Variants in TLN2 observed in about 807,000 individuals in gnomAD.
The protein encoded by TLN2 is talin-2.
A neutral mutation model predicts 294.7 loss-of-function variants in TLN2; 118 were observed. That is an observed-to-expected ratio of 0.40 (90% confidence interval 0.34 to 0.47). TLN2 has a LOEUF of 0.47. TLN2 is among the 20% of genes least tolerant of loss of function. The pLI, the probability that TLN2 is intolerant of heterozygous loss-of-function variation, is 0.84. For synonymous variants in TLN2, 1,431 were observed against 1,304.5 expected, an observed-to-expected ratio of 1.10 and a Z score of -2.09; for missense variants, 3,083 against 3,282.2, an observed-to-expected ratio of 0.94 and a Z score of 1.48.
At chr15:62,637,010 T>C (rs2050444900) in intron 3 of TLN2, among the ~76,000 whole-genome samples, 1 of 152,136 alleles carries the variant, frequency 6.6e-6, no homozygotes, top group South Asian at 2.1e-4. Context: ...TCCATCACAG[T>C]GGTGTGTGCC....
chr15:62,775,318 A>G (rs2063638393), intron 42 of TLN2, among the ~76,000 whole-genome samples: 1 of 152,136 alleles, frequency 6.6e-6, no homozygotes, highest in Non-Finnish European at 1.5e-5. Context: ...AATGTATGAG[A>G]TGCTCTTTCT....
intron 1 of TLN2, among the ~76,000 whole-genome samples, chr15:62,413,053 G>A (rs2033863545): frequency 6.6e-6 from 1 of 152,142 alleles, no homozygotes; most frequent in South Asian, 2.1e-4. Flanking sequence ...ATGTGCCCTC[G>A]AGAAAAATGA....
chr15:62,662,907 TCTGCCTCCCGGGTTCACTCCATTCTC>T lies in TLN2; in HGVS notation c.788+5017_788+5042del, dbSNP rs1255923143. ...GGCGTGATCTCGGCTCACTGCAAGC[TCTGCCTCCCGGGTTCACTCCATTCTC>T]CTGCCTCAGTCTCCCGAGTAACTGG... On this transcript the variant is annotated intron_variant, in intron 9 of 58. Coordinates refer to ENST00000636159, the MANE Select transcript of TLN2 (RefSeq NM_015059.3). Among the ~76,000 whole-genome samples the T allele has an allele frequency of 9.7e-5, 12 of 123,912 alleles. No individual in the cohort carries two copies. The Admixed American group carries it at 1.0e-3, about 11-fold the overall frequency. The allele number at this position is 123,912 out of a possible 152,430, so 81.3% of individuals were successfully genotyped here.
intron 11 of TLN2, among the ~76,000 whole-genome samples, chr15:62,684,549 C>T (rs2057128907): frequency 6.6e-6 from 1 of 152,180 alleles, no homozygotes; most frequent in Non-Finnish European, 1.5e-5. Context: ...GTAGATTCCT[C>T]ATACCATGGT....
chr15:62,495,973 A>C (rs1489160068), intron 1 of TLN2, among the ~76,000 whole-genome samples: 16 of 152,112 alleles, frequency 1.1e-4, no homozygotes, highest in Admixed American at 1.0e-3. Context: ...AACCAAAAAC[A>C]AAAAAACCTT....
intron 1 of TLN2, among the ~76,000 whole-genome samples, chr15:62,454,378 A>C (rs16945079): frequency 0.021 from 3,167 of 152,198 alleles, 48 homozygotes; most frequent in Non-Finnish European, 0.029. Context: ...TGACATTTTA[A>C]TGCCCAGTGC....
chr15:62,540,791 C>T (rs539257340), intron 1 of TLN2, among the ~76,000 whole-genome samples: 3 of 152,046 alleles, frequency 2.0e-5, no homozygotes, highest in East Asian at 1.9e-4. Context: ...ATGCATGATC[C>T]GGGTGGAAAG....
At chr15:62,500,278 C>T (rs1169636827) in intron 1 of TLN2, among the ~76,000 whole-genome samples, 9 of 152,150 alleles carry the variant, frequency 5.9e-5, no homozygotes. Flanking sequence ...ATGGAGGTTG[C>T]AGTGAGCTGG....
At chr15:62,654,368 C>G (rs1333536882) in intron 7 of TLN2, among the ~76,000 whole-genome samples, 1 of 152,138 alleles carries the variant, frequency 6.6e-6, no homozygotes, top group Non-Finnish European at 1.5e-5. Context: ...GCACTTCCAT[C>G]AGGAAGTGTT....
Position 62,752,319 on chromosome 15 carries a change from G to T in TLN2, c.4224G>T (p.Ser1408=). 1.9e-6 allele frequency: 3 copies of T among 1,614,128 alleles called. No homozygotes were observed. Among genetic ancestry groups the T allele is most frequent in the Non-Finnish European group, 2.5e-6 (3 of 1,180,010 alleles). Residue 1408 remains serine, a synonymous_variant, in exon 35 of 59, where the codon TCG becomes TCT. Transcript: ENST00000636159. ...TTGTTTTGCAGGTTCTGGGTGAATC[G>T]ATGGCAGGGATTTCACAGAATGCCA... is the stretch of plus-strand genomic sequence containing the variant. ...VMENSKVLGE[S]MAGISQNAKT...
At chr15:62,596,965 G>A (rs1236551651) in intron 2 of TLN2, among the ~76,000 whole-genome samples, 7 of 152,028 alleles carry the variant, frequency 4.6e-5, no homozygotes, top group African/African-American at 1.7e-4. Flanking sequence ...TTGCAACTCA[G>A]CTCCTCACTT....
intron 1 of TLN2, among the ~76,000 whole-genome samples, chr15:62,450,551 G>A (rs1300830): frequency 0.28 from 9,632 of 34,718 alleles, 360 homozygotes; most frequent in South Asian, 0.41. Flanking sequence ...GTATGTATGT[G>A]TGTGTGTGTG....
intron 2 of TLN2, among the ~76,000 whole-genome samples, chr15:62,603,879 A>G (rs1003103098): frequency 7.2e-5 from 11 of 152,238 alleles, no homozygotes; most frequent in African/African-American, 2.2e-4. Context: ...TTTGCAATGT[A>G]GGCCAGAAGT....
chr15:62,703,328 T>A (rs1482519329), intron 19 of TLN2, among the ~76,000 whole-genome samples: 1 of 152,002 alleles, frequency 6.6e-6, no homozygotes, highest in Non-Finnish European at 1.5e-5. Context: ...GTCTCGAACT[T>A]TGACCTCGTG....
At chr15:62,392,195 G>A (rs751383360) in intron 1 of TLN2, among the ~76,000 whole-genome samples, 1 of 152,232 alleles carries the variant, frequency 6.6e-6, no homozygotes, top group Non-Finnish European at 1.5e-5. Context: ...TTCAGGTGAC[G>A]CGTGGGGAAA....
chr15:62,553,290 C>T lies in TLN2; in HGVS notation c.-237-36397C>T, dbSNP rs138629775. Among the ~76,000 whole-genome samples, 1,514 of 152,176 alleles carry T rather than the reference C, an allele frequency of 9.9e-3. 20 individuals carry two copies. The highest frequency in any genetic ancestry group is 0.035 in the African/African-American group (1,459 of 41,526). ...GCAGATGGATCATCTGTCAGGAGTT[C>T]GAGACCAGCCTGGCCAACCTGGTGA... On this transcript the variant is annotated intron_variant, in intron 1 of 58. Transcript: ENST00000636159.
At chr15:62,461,716 G>T (rs780642193) in intron 1 of TLN2, among the ~76,000 whole-genome samples, 6 of 152,314 alleles carry the variant, frequency 3.9e-5, no homozygotes, top group Admixed American at 6.5e-5. Flanking sequence ...ACATTTCAGC[G>T]AGGGCTTGAA....
intron 17 of TLN2, among the ~76,000 whole-genome samples, chr15:62,701,664 C>T (rs996001399): frequency 6.6e-6 from 1 of 152,224 alleles, no homozygotes; most frequent in Non-Finnish European, 1.5e-5. Context: ...TTGCTTGTTT[C>T]ACCCTGCAGC....
intron 42 of TLN2, among the ~76,000 whole-genome samples, chr15:62,772,630 A>C (rs556560199): frequency 3.3e-5 from 5 of 151,318 alleles, no homozygotes; most frequent in Non-Finnish European, 7.4e-5. Flanking sequence ...TACTAAGAGA[A>C]TAATTCAAAG....
Sources: gnomAD v4.1 joint callset for allele counts (sites outside exome capture counted in the v4.1 genomes callset) on GRCh38, gnomAD v4.1.1 for gene constraint, MANE v1.5 for transcripts, NCBI Gene and HGNC (gene_info 2026-07-23, HGNC 2026-07-21) for gene names.